The following POC1A variants were observed in gnomAD, a reference collection of about 807,000 sequenced individuals.
POC1A encodes POC1 centriolar protein homolog A.
In POC1A, 34 loss-of-function variants were observed where a neutral mutation model predicts 47.8. That is an observed-to-expected ratio of 0.71 (90% CI 0.54 to 0.95). POC1A has a LOEUF of 0.95. POC1A is among the 40% of genes least tolerant of loss of function. POC1A has a pLI of 0.00. For synonymous variants in POC1A, 177 were observed against 207.6 expected (o/e 0.85, Z 1.27); for missense variants, 466 against 528.3 (o/e 0.88, Z 1.16).
chr3:52,083,005 C>G (rs1278351769), intron 10 of POC1A, among the ~76,000 whole-genome samples: 1 of 152,222 alleles, frequency 6.6e-6, no homozygotes, highest in Non-Finnish European at 1.5e-5. Flanking sequence ...TCATCCTCCA[C>G]GCCCACCAAT....
At chr3:52,138,430 G>T in intron 6 of POC1A, 128 bp from the exon 7 acceptor site, 3 of 904,204 alleles carry the variant, frequency 3.3e-6, no homozygotes, top group Non-Finnish European at 3.4e-6. Context: ...GATGGTCATT[G>T]CTCAGAAGAG....
At chr3:52,083,416 C>T (rs543916943) in intron 10 of POC1A, among the ~76,000 whole-genome samples, 1 of 152,128 alleles carries the variant, frequency 6.6e-6, no homozygotes, top group Non-Finnish European at 1.5e-5. Flanking sequence ...CCACTTTCTC[C>T]CCTCAGGTCT....
At position 52,120,530 on chromosome 3, in the gene POC1A, A is replaced by G. The variant is rs141972236; in HGVS notation, c.981+1849T>C. 2.4e-3 allele frequency among the ~76,000 whole-genome samples: 367 copies of G among 152,334 alleles called. 1 individual carries two copies. The highest frequency in any genetic ancestry group is 8.5e-3 in the African/African-American group (354 of 41,576). Reference sequence around the variant, plus strand: ...TCAAAGCTCTCATCAGAGCCTGCCTATGGGCGTATTCAGGTACTATGTGGA... The same window carrying G: ...TCAAAGCTCTCATCAGAGCCTGCCTGTGGGCGTATTCAGGTACTATGTGGA... On this transcript the variant is annotated intron_variant, in intron 9 of 10. Coordinates refer to ENST00000296484, the MANE Select transcript of POC1A (RefSeq NM_015426.5).
chr3:52,144,056 C>T (rs1223286115), intron 6 of POC1A, among the ~76,000 whole-genome samples: 1 of 152,220 alleles, frequency 6.6e-6, no homozygotes, highest in Non-Finnish European at 1.5e-5. Context: ...TGTGTTATAA[C>T]CCTTTTGTGG....
intron 9 of POC1A, among the ~76,000 whole-genome samples, chr3:52,110,004 C>T (rs1191981489): frequency 2.0e-5 from 3 of 152,110 alleles, no homozygotes; most frequent in Non-Finnish European, 2.9e-5. Context: ...ATGTCATCTG[C>T]CCCCCAAAAC....
intron 7 of POC1A, among the ~76,000 whole-genome samples, chr3:52,131,547 T>A (rs571233554): frequency 6.3e-4 from 96 of 152,286 alleles, no homozygotes; most frequent in Admixed American, 3.7e-3. Context: ...CACGCGGGTC[T>A]CCTGATCCAC....
chr3:52,085,459 G>A (rs1160611153), intron 10 of POC1A, among the ~76,000 whole-genome samples: 3 of 152,228 alleles, frequency 2.0e-5, no homozygotes, highest in Admixed American at 6.5e-5. Context: ...CAGACTCTGC[G>A]GCATGGCATT....
chr3:52,090,225 T>C lies in POC1A; in HGVS notation c.1125+6344A>G, dbSNP rs1245633623. On this transcript the variant is annotated intron_variant, in intron 10 of 10. Coordinates refer to ENST00000296484, the MANE Select transcript of POC1A (RefSeq NM_015426.5). The surrounding 1 kb of genome is among the most constrained non-coding windows in gnomAD (Gnocchi z 4.2). ...GAGTCACAGGAACTGGAACGTGACA[T>C]CACAGCATTGCTGTGGCCAGCCTGA... Among the ~76,000 whole-genome samples the C allele has an allele frequency of 6.6e-6, 1 of 152,148 alleles. No individual in the cohort carries two copies. The highest frequency in any genetic ancestry group is 1.5e-5 in the Non-Finnish European group (1 of 68,026).
chr3:52,132,873 T>C (rs1045877478), intron 7 of POC1A, among the ~76,000 whole-genome samples: 3 of 151,968 alleles, frequency 2.0e-5, no homozygotes, highest in Non-Finnish European at 4.4e-5. Flanking sequence ...GGTGAAACCC[T>C]GTCTCTACTA....
At chr3:52,115,251 G>T (rs1703522452) in intron 9 of POC1A, among the ~76,000 whole-genome samples, 1 of 152,128 alleles carries the variant, frequency 6.6e-6, no homozygotes, top group South Asian at 2.1e-4. Context: ...AAAGTGCTAA[G>T]ATTACAGGCG....
chr3:52,139,454 T>C lies in POC1A; in HGVS notation c.680-1152A>G, dbSNP rs140439641. Among the ~76,000 whole-genome samples, 810 of 152,206 alleles carry C rather than the reference T, an allele frequency of 5.3e-3. 8 individuals are homozygous for C. The highest frequency in any genetic ancestry group is 0.018 in the African/African-American group (762 of 41,518). On this transcript the variant is annotated intron_variant, in intron 6 of 10. Coordinates refer to ENST00000296484, the MANE Select transcript of POC1A (RefSeq NM_015426.5). The stretch of plus-strand genomic sequence containing the variant: ...CCAGCTCTGTCGATTCCCCCAGCCG[T>C]AGAACTTTTTTACCCCTTGTTTCCA...
chr3:52,122,444 C>A lies in POC1A; in HGVS notation c.916G>T (p.Asp306Tyr), dbSNP rs1284134258. The A allele has an allele frequency of 3.1e-6, 5 of 1,612,432 alleles. No homozygotes were observed. In the Admixed American group the frequency reaches 8.3e-5, roughly 27 times the overall value. The part of the protein sequence containing the change: ...MVWKSNFDIV[D>Y]HGEVTKVPRP... ...GGCACTTTCGTGACTTCTCCATGAT[C>A]AACAATATCAAAGTTACTCTTCCAA... The change falls in exon 9 of 11, where the codon GAT becomes TAT. Residue 306 changes from aspartate (D) to tyrosine (Y), a missense_variant. Coordinates refer to ENST00000296484, the MANE Select transcript of POC1A (RefSeq NM_015426.5).
Position 52,115,218 on chromosome 3 carries a change from C to G in POC1A, c.981+7161G>C, listed in dbSNP as rs571314627. On this transcript the variant is annotated intron_variant, in intron 9 of 10. Transcript: ENST00000296484. ...CTGGTCTTGAACTCCTGGGCTCAAG[C>G]CAGCCTCTTGCCTCAGCCTCCCAAA... Among the ~76,000 whole-genome samples, 308 of 152,222 alleles carry G rather than the reference C, an allele frequency of 2.0e-3. 1 individual carries two copies. The highest frequency in any genetic ancestry group is 6.7e-3 in the African/African-American group (280 of 41,532).
intron 9 of POC1A, among the ~76,000 whole-genome samples, chr3:52,121,480 A>C (rs921251693): frequency 6.6e-6 from 1 of 152,240 alleles, no homozygotes; most frequent in Non-Finnish European, 1.5e-5. Context: ...AGACCAGGAC[A>C]CAAAACGGGG....
intron 7 of POC1A, 119 bp from the exon 8 acceptor site, chr3:52,125,300 C>T: frequency 2.5e-6 from 2 of 800,402 alleles, no homozygotes; most frequent in East Asian, 2.7e-5. Context: ...CGAGAGCCCA[C>T]TCAGCCCACA....
chr3:52,149,401 G>A lies in POC1A; in HGVS notation c.276-12C>T. 6.2e-7 allele frequency: 1 copy of A among 1,612,714 alleles called. No homozygotes were observed. The highest frequency in any genetic ancestry group is 8.5e-7 in the Non-Finnish European group (1 of 1,178,876). On this transcript the variant is annotated splice_polypyrimidine_tract_variant and intron_variant, in intron 3 of 10. Coordinates refer to ENST00000296484, the MANE Select transcript of POC1A (RefSeq NM_015426.5). ...TGGACTCACCTTTGCTACAAGGACA[G>A]GCATCCAAGAGTAAGGAAACCCATA...
intron 10 of POC1A, among the ~76,000 whole-genome samples, chr3:52,078,871 G>A (rs1022719680): frequency 6.6e-6 from 1 of 152,258 alleles, no homozygotes; most frequent in Admixed American, 6.5e-5. Flanking sequence ...CCCCCATGAT[G>A]GAAATGCCCC....
intron 7 of POC1A, among the ~76,000 whole-genome samples, chr3:52,129,928 AT>A (rs977724244): frequency 4.0e-5 from 6 of 151,774 alleles, no homozygotes; most frequent in Non-Finnish European, 8.8e-5. Flanking sequence ...ACAGAGAAAG[AT>A]TTTTTTTTAA....
chr3:52,123,319 G>T (rs1306131065), intron 8 of POC1A, among the ~76,000 whole-genome samples: 2 of 152,262 alleles, frequency 1.3e-5, no homozygotes, highest in African/African-American at 4.8e-5. Context: ...CCTGCTGGAG[G>T]CTGCTGGCCA....
Sources: allele counts gnomAD v4.1 joint callset (sites outside exome capture counted in the v4.1 genomes callset), GRCh38; gene constraint gnomAD v4.1.1; non-coding constraint Gnocchi (gnomAD v3.1); transcripts MANE v1.5; gene names NCBI Gene and HGNC (gene_info 2026-07-23, HGNC 2026-07-21).